The following FAM178B variants were observed in gnomAD, a reference collection of about 807,000 sequenced individuals.
FAM178B encodes protein FAM178B.
A neutral mutation model predicts 91.7 loss-of-function variants in FAM178B; 82 were observed. The ratio of observed to expected loss-of-function variants is 0.89; its 90% confidence interval spans 0.75 to 1.07. FAM178B has a LOEUF of 1.07. Ranked by LOEUF, FAM178B falls within the 50% of genes least tolerant of loss-of-function variation. The pLI is 0.00. For missense variants in FAM178B, 769 were observed against 846.7 expected (o/e 0.91, Z 1.14); for synonymous variants, 368 against 359.4 (o/e 1.02, Z -0.27).
intron 14 of FAM178B, among the ~76,000 whole-genome samples, chr2:96,888,868 C>T (rs2080593417): frequency 6.6e-6 from 1 of 152,114 alleles, no homozygotes; most frequent in South Asian, 2.1e-4. Context: ...AGAGCATCAC[C>T]CAATCCCTGG....
chr2:96,925,717 T>C (rs1302117001), intron 9 of FAM178B, among the ~76,000 whole-genome samples: 1 of 152,146 alleles, frequency 6.6e-6, no homozygotes, highest in Non-Finnish European at 1.5e-5. Context: ...GGTTTCTGTC[T>C]CGGAGACACC....
At chr2:96,965,283 C>G (rs889360342) in intron 5 of FAM178B, among the ~76,000 whole-genome samples, 2 of 152,120 alleles carry the variant, frequency 1.3e-5, no homozygotes, top group Non-Finnish European at 2.9e-5. Context: ...GCTGGGATTA[C>G]AAGATGAGAG....
rs1181222511 is a variant in FAM178B at position 96,929,266 on chromosome 2, T to C, written c.1133A>G (p.His378Arg). Residue 378 changes from histidine to arginine, a missense_variant, in exon 9 of 17, where the codon CAC becomes CGC. Transcript: ENST00000490605. ...GGCAGGACTGTGGGCACCCAGGCTG[T>C]GGAATGCCTCCCTGACTTCTTGCAG... ...PSLQEVREAFHSLGAHSPALY... is the reference protein window; with the variant it reads ...PSLQEVREAFRSLGAHSPALY... 2 of 1,551,658 alleles carry C rather than the reference T, an allele frequency of 1.3e-6. No individual in the cohort carries two copies. The highest frequency in any genetic ancestry group is 1.7e-6 in the Non-Finnish European group (2 of 1,146,940).
chr2:96,967,345 G>C (rs1484931010), intron 5 of FAM178B, among the ~76,000 whole-genome samples, 175 bp downstream of exon 5: 1 of 152,222 alleles, frequency 6.6e-6, no homozygotes, highest in East Asian at 1.9e-4. Flanking sequence ...TAGGTGATCA[G>C]ATCTTTCTTG....
intron 12 of FAM178B, among the ~76,000 whole-genome samples, chr2:96,906,204 CTTT>C (rs779631865): frequency 7.5e-6 from 1 of 132,914 alleles, no homozygotes. Context: ...CTTTTTCTTT[CTTT>C]TTTTTTTTTT....
intron 9 of FAM178B, among the ~76,000 whole-genome samples, chr2:96,927,146 C>A (rs1275798080): frequency 2.0e-5 from 3 of 152,198 alleles, no homozygotes; most frequent in African/African-American, 4.8e-5. Flanking sequence ...CTGGAACCTC[C>A]TTGATGCTTC....
At chr2:96,939,388 C>T (rs544026516) in intron 8 of FAM178B, among the ~76,000 whole-genome samples, 63 of 151,842 alleles carry the variant, frequency 4.1e-4, no homozygotes, top group African/African-American at 1.2e-3. Flanking sequence ...CCCAGCTACT[C>T]GGGAGGCTGA....
At chr2:96,902,850 T>C (rs1404597178) in intron 12 of FAM178B, 143 bp from the exon 13 acceptor site, 1 of 630,212 alleles carries the variant, frequency 1.6e-6, no homozygotes, top group Non-Finnish European at 3.0e-6. Flanking sequence ...TCCATTGGCT[T>C]ACAGCATTAT....
chr2:96,938,385 G>A (rs923909062), intron 8 of FAM178B, among the ~76,000 whole-genome samples: 1 of 152,184 alleles, frequency 6.6e-6, no homozygotes, highest in East Asian at 1.9e-4. Flanking sequence ...AGCTGAGTGC[G>A]CCACAGGCAG....
intron 14 of FAM178B, among the ~76,000 whole-genome samples, chr2:96,884,789 G>C (rs1013076341): frequency 6.6e-6 from 1 of 152,342 alleles, no homozygotes; most frequent in East Asian, 1.9e-4. Flanking sequence ...CCTTGGCTTT[G>C]GCAGACACTA....
chr2:96,891,915 C>G (rs949222135), intron 14 of FAM178B, among the ~76,000 whole-genome samples: 4 of 152,166 alleles, frequency 2.6e-5, no homozygotes, highest in Non-Finnish European at 5.9e-5. Context: ...CAGGCTGGGC[C>G]GCCTCAGGTC....
At chr2:96,917,445 CAA>C (rs1302894053) in intron 12 of FAM178B, among the ~76,000 whole-genome samples, 3 of 152,140 alleles carry the variant, frequency 2.0e-5, no homozygotes, top group African/African-American at 4.8e-5. Flanking sequence ...ACAGATTCCA[CAA>C]AAGACACTGA....
intron 9 of FAM178B, among the ~76,000 whole-genome samples, chr2:96,926,942 C>T (rs539992962): frequency 2.6e-5 from 4 of 152,294 alleles, no homozygotes; most frequent in Admixed American, 6.5e-5. Flanking sequence ...CAGAGGTATC[C>T]GTTCCCCTGG....
intron 1 of FAM178B, among the ~76,000 whole-genome samples, chr2:96,974,421 A>G (rs1340407874): frequency 1.3e-5 from 2 of 151,116 alleles, no homozygotes; most frequent in Non-Finnish European, 2.9e-5. Flanking sequence ...TGAGGAGGCA[A>G]TTAAAACAAT....
chr2:96,891,326 C>T (rs2080673565), intron 14 of FAM178B, among the ~76,000 whole-genome samples: 2 of 152,180 alleles, frequency 1.3e-5, no homozygotes, highest in African/African-American at 4.8e-5. Context: ...CAGGAGAAGG[C>T]CAGGCTATAA....
rs1214563481 is a variant in FAM178B, at chr2:96,981,746, A to AAAAAAAG, written c.73+4494_73+4495insCTTTTTT. 2.0e-4 allele frequency among the ~76,000 whole-genome samples: 24 copies of AAAAAAAG among 122,840 alleles called. 1 individual carries two copies. Among genetic ancestry groups the AAAAAAAG allele is most frequent in the Middle Eastern group, 3.9e-3 (1 of 254 alleles). The allele number at this position is 122,840 out of a possible 152,430, so 80.6% of individuals were successfully genotyped here. A position where few individuals can be genotyped will look rare whatever the true frequency, so the allele number is the denominator to read the frequency against. ...ACAGAGTGAGACTCCGTCTCAAAAA[A>AAAAAAAG]AAAAAAAAAAAAAAAAGAAAGAAAG... On this transcript the variant is annotated intron_variant, in intron 1 of 16. Transcript: ENST00000490605.
intron 13 of FAM178B, among the ~76,000 whole-genome samples, chr2:96,894,521 C>T (rs1201744240): frequency 1.7e-5 from 2 of 114,674 alleles, no homozygotes; most frequent in African/African-American, 3.5e-5. Flanking sequence ...TACACACAGA[C>T]CCCCCCACAC....
In FAM178B at chr2:96,905,850, A is replaced by ATGTGTGTGTGTG. The variant is rs1395583402; in HGVS notation, c.1563-3144_1563-3143insCACACACACACA. On this transcript the variant is annotated intron_variant, in intron 12 of 16. Coordinates refer to ENST00000490605, the MANE Select transcript of FAM178B (RefSeq NM_001122646.3). ...TATATATATATATATATATATATAT[A>ATGTGTGTGTGTG]TATATATATATTTTTTTTTTTTTTT... is the stretch of plus-strand genomic sequence containing the variant. 7.5e-3 allele frequency among the ~76,000 whole-genome samples: 192 copies of ATGTGTGTGTGTG among 25,600 alleles called. 10 individuals are homozygous for ATGTGTGTGTGTG. Among genetic ancestry groups the ATGTGTGTGTGTG allele is most frequent in the Middle Eastern group, 0.019 (1 of 52 alleles). 16.8% of individuals were successfully genotyped at this position (25,600 alleles called of 152,430 possible).
At chr2:96,930,412 T>C (rs1450931120) in intron 8 of FAM178B, among the ~76,000 whole-genome samples, 1 of 152,092 alleles carries the variant, frequency 6.6e-6, no homozygotes, top group Admixed American at 6.6e-5. Context: ...TCCTGCCCCA[T>C]GTGTTCTCTG....
Sources: gnomAD v4.1 joint callset for allele counts (sites outside exome capture counted in the v4.1 genomes callset) on GRCh38, gnomAD v4.1.1 for gene constraint, MANE v1.5 for transcripts, NCBI Gene and HGNC (gene_info 2026-07-23, HGNC 2026-07-21) for gene names.